ZC3H3: variants seen among roughly 807,000 people sequenced by gnomAD.
ZC3H3 encodes zinc finger CCCH-type containing 3, also known as zinc finger CCCH domain-containing protein 3.
In ZC3H3, 36 loss-of-function variants were observed where a neutral mutation model predicts 77.3. That is an observed-to-expected ratio of 0.47 (90% CI 0.36 to 0.61). The LOEUF (loss-of-function observed/expected upper bound fraction) is 0.61, where lower values mean the gene tolerates loss of function less well. Among genes scored for constraint, ZC3H3 ranks in the 20% least tolerant of loss-of-function variants. The pLI is 0.00. For synonymous variants in ZC3H3, 626 were observed against 555.2 expected, an observed-to-expected ratio of 1.13 and a Z score of -1.79; for missense variants, 1,331 against 1,312.2, an observed-to-expected ratio of 1.01 and a Z score of -0.22.
At chr8:143,529,434 G>A (rs1042123723) in intron 3 of ZC3H3, among the ~76,000 whole-genome samples, 2 of 152,188 alleles carry the variant, frequency 1.3e-5, no homozygotes, top group Non-Finnish European at 2.9e-5. Flanking sequence ...CAAGGCACCG[G>A]GAGGCAACAC....
At chr8:143,469,318 C>A (rs1412499687) in intron 5 of ZC3H3, among the ~76,000 whole-genome samples, 2 of 152,216 alleles carry the variant, frequency 1.3e-5, no homozygotes, top group African/African-American at 4.8e-5. Flanking sequence ...AGAATGGCTT[C>A]TGACTTTTAG....
Position 143,538,838 on chromosome 8 carries a change from T to C in ZC3H3, c.529A>G (p.Thr177Ala), listed in dbSNP as rs566638065. 9.3e-6 allele frequency: 15 copies of C among 1,612,328 alleles called. No homozygotes were observed. In the African/African-American group the frequency reaches 1.7e-4, roughly 19 times the overall value. The change falls in exon 2 of 12, where the codon ACA (threonine) becomes GCA (alanine). Residue 177 changes from threonine (T) to alanine (A), a missense_variant. Coordinates refer to ENST00000262577, the MANE Select transcript of ZC3H3 (RefSeq NM_015117.3). Reference sequence around the variant, plus strand: ...ACACTGCAGGTCCCCCTGGCTCTTGTTGGCCTCGAGGGCTGCAGCTGTCCC... The same window carrying C: ...ACACTGCAGGTCCCCCTGGCTCTTGCTGGCCTCGAGGGCTGCAGCTGTCCC... ...PRGQLQPSRP[T>A]RARGTCSVED...
At chr8:143,519,811 C>T (rs1254898345) in intron 3 of ZC3H3, among the ~76,000 whole-genome samples, 1 of 152,208 alleles carries the variant, frequency 6.6e-6, no homozygotes, top group Non-Finnish European at 1.5e-5. Context: ...TCATCACGGG[C>T]CCAAAGGCTG....
chr8:143,462,584 C>A lies in ZC3H3; in HGVS notation c.2307+3133G>T, dbSNP rs566134287. 6.6e-6 allele frequency among the ~76,000 whole-genome samples: 1 copy of A among 152,352 alleles called. No homozygotes were observed. Among genetic ancestry groups the A allele is most frequent in the Non-Finnish European group, 1.5e-5 (1 of 68,026 alleles). ...TGCGTGAGGGGAATCCCAGGTGACT[C>A]AGGTCTCAGCTCGCACTTGGGGAGC... On this transcript the variant is annotated intron_variant, in intron 9 of 11. Transcript: ENST00000262577. The surrounding 1 kb of genome is among the most constrained non-coding windows in gnomAD (Gnocchi z 4.7).
chr8:143,468,324 C>G, intron 7 of ZC3H3, 46 bp from the exon 8 acceptor site: 9 of 1,611,946 alleles, frequency 5.6e-6, no homozygotes, highest in Non-Finnish European at 7.6e-6. Context: ...CGGCAGGGAC[C>G]AAGGGCAGGG....
At chr8:143,499,864 AACGTGCCCTGGAGCCAC>A (rs1821472090) in intron 4 of ZC3H3, among the ~76,000 whole-genome samples, 1 of 152,192 alleles carries the variant, frequency 6.6e-6, no homozygotes, top group African/African-American at 2.4e-5. Context: ...ACACCCTGGA[AACGTGCCCTGGAGCCAC>A]ACCGGCCCTC....
chr8:143,536,058 C>T (rs754528245), intron 3 of ZC3H3, among the ~76,000 whole-genome samples, 199 bp downstream of exon 3: 7 of 152,228 alleles, frequency 4.6e-5, no homozygotes, highest in Admixed American at 6.5e-5. Context: ...CAGCACATCC[C>T]ACAGCCAGAC....
chr8:143,539,194 C>G lies in ZC3H3; in HGVS notation c.173G>C (p.Ser58Thr). 1 of 1,612,972 alleles carries G rather than the reference C, an allele frequency of 6.2e-7. No homozygotes were observed. Among genetic ancestry groups the G allele is most frequent in the Non-Finnish European group, 8.5e-7 (1 of 1,180,030 alleles). Residue 58 changes from serine to threonine, a missense_variant, in exon 2 of 12, where the codon AGC becomes ACC. This residue lies in a region of ZC3H3 where 978 missense variants were observed against 915.5 expected (regional missense o/e 1.07). Coordinates refer to ENST00000262577, the MANE Select transcript of ZC3H3 (RefSeq NM_015117.3). ...RAFSARYPRP[S>T]RRGYSSHHGP... is the part of the protein sequence containing the mutation. ...ATGGTGGGAAGAGTAGCCCCTCCGG[C>G]TTGGACGAGGGTAGCGGGCACTAAA...
intron 3 of ZC3H3, among the ~76,000 whole-genome samples, chr8:143,512,307 T>A (rs888060380): frequency 6.6e-6 from 1 of 152,260 alleles, no homozygotes; most frequent in Non-Finnish European, 1.5e-5. Flanking sequence ...CTGCCTGATC[T>A]GCTTTTTATC....
chr8:143,468,140 C>T lies in ZC3H3; in HGVS notation c.2175+69G>A. ...CAGAGAAAGCTGTGGGCACCATCTG[C>T]CCGGAGGCCAGGTGGCTGAGGCCCC... is the stretch of plus-strand genomic sequence containing the variant. On this transcript the variant is annotated intron_variant, in intron 8 of 11. Transcript: ENST00000262577. 10 of 1,556,468 alleles carry T rather than the reference C, an allele frequency of 6.4e-6. 1 individual carries two copies. In the South Asian group the frequency reaches 9.3e-5, roughly 14 times the overall value.
intron 4 of ZC3H3, among the ~76,000 whole-genome samples, chr8:143,495,817 G>A (rs1314566906): frequency 6.7e-6 from 1 of 149,260 alleles, no homozygotes; most frequent in Non-Finnish European, 1.5e-5. Context: ...TGCCCGAGCT[G>A]GTCTTGAACT....
intron 3 of ZC3H3, among the ~76,000 whole-genome samples, chr8:143,511,295 C>T (rs558263607): frequency 2.6e-5 from 4 of 152,342 alleles, no homozygotes; most frequent in South Asian, 4.1e-4. Context: ...GCTCACTCTC[C>T]TCGGACAATT....
Position 143,539,311 on chromosome 8 carries a change from T to C in ZC3H3, c.56A>G (p.Asp19Gly), listed in dbSNP as rs991985341. Residue 19 changes from aspartate (D) to glycine (G), a missense_variant, in exon 2 of 12, where the codon GAT (aspartate) becomes GGT (glycine). By Grantham distance (94) the Asp-to-Gly change is moderately conservative. Coordinates refer to ENST00000262577, the MANE Select transcript of ZC3H3 (RefSeq NM_015117.3). The part of the protein sequence containing the change: ...RQIRLLQGLI[D>G]DYKTLHGNAP... The stretch of plus-strand genomic sequence containing the variant: ...ATTGCCGTGGAGGGTTTTGTAGTCA[T>C]CAATCAGACCTGAGAAGACAGAACC... The C allele has an allele frequency of 1.2e-5, 20 of 1,606,856 alleles. No homozygotes were observed. The highest frequency in any genetic ancestry group is 1.6e-5 in the Non-Finnish European group (19 of 1,177,050).
At chr8:143,495,855 G>GCCTC (rs1454849506) in intron 4 of ZC3H3, among the ~76,000 whole-genome samples, 1 of 150,918 alleles carries the variant, frequency 6.6e-6, no homozygotes, top group East Asian at 1.9e-4. Context: ...TCCTGTCTCA[G>GCCTC]CCTCCCAACG....
At chr8:143,464,477 G>A (rs1325549761) in intron 9 of ZC3H3, among the ~76,000 whole-genome samples, 1 of 152,212 alleles carries the variant, frequency 6.6e-6, no homozygotes, top group Non-Finnish European at 1.5e-5. Context: ...GGAAGTGGGT[G>A]TGAGGACTGA....
chr8:143,465,997 G>T, intron 8 of ZC3H3, 149 bp from the exon 9 acceptor site: 1 of 1,180,054 alleles, frequency 8.5e-7, no homozygotes, highest in Non-Finnish European at 1.2e-6. Flanking sequence ...CGACCTGCGG[G>T]GCAGGGAAGC....
intron 4 of ZC3H3, among the ~76,000 whole-genome samples, chr8:143,486,661 T>C (rs114701683): frequency 0.03 from 4,371 of 144,032 alleles, 206 homozygotes; most frequent in African/African-American, 0.11. Context: ...ACCCGCTACA[T>C]GACCCCACCA....
At chr8:143,521,498 C>T (rs1041469359) in intron 3 of ZC3H3, among the ~76,000 whole-genome samples, 3 of 151,062 alleles carry the variant, frequency 2.0e-5, no homozygotes, top group African/African-American at 7.3e-5. Flanking sequence ...GGAGCAGCTC[C>T]GGGCCTCCTG....
At chr8:143,514,243 C>T (rs1821960846) in intron 3 of ZC3H3, among the ~76,000 whole-genome samples, 2 of 152,166 alleles carry the variant, frequency 1.3e-5, no homozygotes, top group South Asian at 4.1e-4. Flanking sequence ...CCTCAAGTGC[C>T]ACCGTGAGGT....
Sources: allele counts gnomAD v4.1 joint callset (sites outside exome capture counted in the v4.1 genomes callset), GRCh38; gene constraint gnomAD v4.1.1; regional missense constraint gnomAD v4.1.1; non-coding constraint Gnocchi (gnomAD v3.1); transcripts MANE v1.5; gene names NCBI Gene and HGNC (gene_info 2026-07-23, HGNC 2026-07-21).